PTPN3: variants seen among roughly 807,000 people sequenced by gnomAD.
PTPN3 encodes tyrosine-protein phosphatase non-receptor type 3.
In PTPN3, 96 loss-of-function variants were observed where a neutral mutation model predicts 132.7. The observed-to-expected ratio is 0.72, with a 90% confidence interval of 0.61 to 0.86. The LOEUF (loss-of-function observed/expected upper bound fraction) is 0.86, where lower values mean the gene tolerates loss of function less well. Among genes scored for constraint, PTPN3 ranks in the 40% least tolerant of loss-of-function variants. The pLI, the probability that PTPN3 is intolerant of heterozygous loss-of-function variation, is 0.00. For synonymous variants in PTPN3, 398 were observed against 429.0 expected, an observed-to-expected ratio of 0.93 and a Z score of 0.89; for missense variants, 1,125 against 1,159.6, an observed-to-expected ratio of 0.97 and a Z score of 0.43.
At chr9:109,502,043 G>A (rs1200796291), upstream of PTPN3, among the ~76,000 whole-genome samples, 1 of 152,146 alleles carries the variant, frequency 6.6e-6, no homozygotes, top group Non-Finnish European at 1.5e-5. Flanking sequence ...AAACAAAAGA[G>A]CATCATTTTA....
intron 12 of PTPN3, among the ~76,000 whole-genome samples, chr9:109,425,952 T>C (rs1843241210): frequency 6.8e-6 from 1 of 147,674 alleles, no homozygotes; most frequent in African/African-American, 2.5e-5. Context: ...AGGCGGAGGT[T>C]GCAGTGAGCC....
intron 7 of PTPN3, among the ~76,000 whole-genome samples, chr9:109,440,268 C>T (rs1844358092): frequency 6.6e-6 from 1 of 152,186 alleles, no homozygotes; most frequent in Non-Finnish European, 1.5e-5. Context: ...CAAATGTGGC[C>T]AAGCTGTGGA....
intron 4 of PTPN3, among the ~76,000 whole-genome samples, chr9:109,455,526 G>A (rs1478290001): frequency 6.6e-6 from 1 of 152,166 alleles, no homozygotes; most frequent in Admixed American, 6.5e-5. Flanking sequence ...CATCTGCAGC[G>A]TGTGTTCAAA....
intron 6 of PTPN3, among the ~76,000 whole-genome samples, chr9:109,447,627 T>TA (rs1317819751): frequency 6.6e-6 from 1 of 152,190 alleles, no homozygotes; most frequent in Non-Finnish European, 1.5e-5. Flanking sequence ...CTCTTGCTTC[T>TA]AACTATCCAC....
chr9:109,396,160 C>T (rs575909157), intron 19 of PTPN3, among the ~76,000 whole-genome samples: 92 of 152,196 alleles, frequency 6.0e-4, no homozygotes, highest in Non-Finnish European at 1.0e-3. Flanking sequence ...CTGCGCCTGG[C>T]CTCAAGTTCC....
intron 10 of PTPN3, among the ~76,000 whole-genome samples, chr9:109,431,494 C>T (rs778130058): frequency 1.3e-5 from 2 of 152,200 alleles, no homozygotes; most frequent in African/African-American, 4.8e-5. Flanking sequence ...GGCCAGAGAG[C>T]TGCCTGGGCA....
intron 9 of PTPN3, among the ~76,000 whole-genome samples, chr9:109,436,470 C>A (rs989652249): frequency 3.3e-5 from 5 of 152,130 alleles, no homozygotes; most frequent in African/African-American, 4.8e-5. Flanking sequence ...ATTATATCAC[C>A]ATAATCTTTT....
chr9:109,398,346 C>T (rs1382260151), intron 19 of PTPN3, among the ~76,000 whole-genome samples: 1 of 152,180 alleles, frequency 6.6e-6, no homozygotes, highest in East Asian at 1.9e-4. Flanking sequence ...CAATTTAAAC[C>T]TCTTATAAAG....
chr9:109,473,325 T>C (rs145319980), intron 1 of PTPN3, among the ~76,000 whole-genome samples: 1 of 152,222 alleles, frequency 6.6e-6, no homozygotes, highest in African/African-American at 2.4e-5. Context: ...GGACCCGTTG[T>C]ATTCAAACTG....
intron 4 of PTPN3, among the ~76,000 whole-genome samples, chr9:109,456,368 C>T (rs368055918): frequency 3.0e-4 from 45 of 152,330 alleles, no homozygotes; most frequent in African/African-American, 9.6e-4. Context: ...GCATTCAGAA[C>T]CCCAACACGG....
chr9:109,399,581 T>C (rs983701373), intron 19 of PTPN3, among the ~76,000 whole-genome samples: 2 of 151,680 alleles, frequency 1.3e-5, no homozygotes, highest in Non-Finnish European at 2.9e-5. Context: ...TGGGACCAAA[T>C]GCTTTCTGGA....
intron 2 of PTPN3, among the ~76,000 whole-genome samples, chr9:109,460,925 A>G (rs1329338458): frequency 6.6e-6 from 1 of 152,238 alleles, no homozygotes; most frequent in African/African-American, 2.4e-5. Context: ...TGCTGAATGA[A>G]TACATGAGTT....
chr9:109,419,652 G>A (rs1041971199), intron 14 of PTPN3, among the ~76,000 whole-genome samples: 7 of 152,224 alleles, frequency 4.6e-5, no homozygotes, highest in Admixed American at 1.3e-4. Flanking sequence ...AAAGGCAAAT[G>A]AGGAAGAGAA....
intron 5 of PTPN3, among the ~76,000 whole-genome samples, chr9:109,452,725 TTTTTA>T (rs1845338423): frequency 6.6e-6 from 1 of 151,974 alleles, no homozygotes; most frequent in South Asian, 2.1e-4. Context: ...CCTGACTACT[TTTTTA>T]TTTTTATTTT....
chr9:109,471,095 TGCCCAGGCTGGAGTGCAGTG>T (rs1460535609), intron 1 of PTPN3, among the ~76,000 whole-genome samples: 9 of 151,956 alleles, frequency 5.9e-5, no homozygotes, highest in Non-Finnish European at 1.0e-4. Context: ...GTCTCACTCT[TGCCCAGGCTGGAGTGCAGTG>T]GCGCAATCTC....
chr9:109,510,599 A>ATATATATATATATATATATATATATT, the PTPN3 span, among the ~76,000 whole-genome samples: 159 of 82,586 alleles, frequency 1.9e-3, 1 homozygote, highest in Non-Finnish European at 2.9e-3. Flanking sequence ...ATATATATAT[A>ATATATATATATATATATATATATATT]TATATATATG....
the PTPN3 span, chr9:109,532,835 C>T: frequency 1.0e-6 from 1 of 1,005,010 alleles, no homozygotes; most frequent in Non-Finnish European, 1.3e-6. Context: ...GGAATTTACT[C>T]AGCCCCGCCC....
rs1466410884 is a variant in PTPN3 at position 109,375,931 on chromosome 9, T to G, written c.*3625A>C. On this transcript the variant is annotated 3_prime_UTR_variant, in exon 26 of 26. Coordinates refer to ENST00000374541, the MANE Select transcript of PTPN3 (RefSeq NM_002829.4). ...ACTCCCAAGCATTTGGTCCCCGGTC[T>G]GAGGTCACAGAATCTTTGCCACCTT... is the stretch of plus-strand genomic sequence containing the variant. 2 of 152,248 alleles carry G rather than the reference T, an allele frequency of 1.3e-5. No individual in the cohort carries two copies. The highest frequency in any genetic ancestry group is 2.4e-5 in the African/African-American group (1 of 41,468). The allele number at this position is 152,248 out of a possible 1,614,324, so 9.4% of individuals were successfully genotyped here.
At chr9:109,536,217 G>A in the PTPN3 span, among the ~76,000 whole-genome samples, 393 of 152,326 alleles carry the variant, frequency 2.6e-3, 2 homozygotes, top group African/African-American at 9.1e-3. Context: ...TTATGGCTGA[G>A]TAATAGTCTG....
Sources: gnomAD v4.1 joint callset for allele counts (sites outside exome capture counted in the v4.1 genomes callset) on GRCh38, gnomAD v4.1.1 for gene constraint, MANE v1.5 for transcripts, NCBI Gene and HGNC (gene_info 2026-07-23, HGNC 2026-07-21) for gene names.